Variants in MED25 observed in about 807,000 individuals in gnomAD.
MED25 encodes mediator of RNA polymerase II transcription subunit 25.
MED25 carries 62 observed loss-of-function variants against 89.4 expected under a neutral mutation model. That is an observed-to-expected ratio of 0.69 (90% CI 0.57 to 0.86). MED25 has a LOEUF of 0.86. Among genes scored for constraint, MED25 ranks in the 40% least tolerant of loss-of-function variants. The pLI is 0.00. For missense variants in MED25, 905 were observed against 1,005.2 expected (o/e 0.90, Z 1.35); for synonymous variants, 449 against 427.9 (o/e 1.05, Z -0.61).
Position 49,829,021 on chromosome 19 carries a change from G to A in MED25, c.456G>A (p.Leu152=), listed in dbSNP as rs1457594431. Reference sequence around the variant, plus strand: ...TCATCTGCAACTCACCCCCATACTTGTTGCCTGCTGTTGAGAGCACCACGT... The same window carrying A: ...TCATCTGCAACTCACCCCCATACTTATTGCCTGCTGTTGAGAGCACCACGT... ...CLLICNSPPY[L]LPAVESTTYS... The change falls in exon 5 of 18, where the codon TTG becomes TTA. Residue 152 remains leucine, a synonymous_variant. Transcript: ENST00000312865. The surrounding 1 kb of genome is among the most constrained non-coding windows in gnomAD (Gnocchi z 4.6). 1.2e-6 allele frequency: 2 copies of A among 1,613,988 alleles called. No individual in the cohort carries two copies. Among genetic ancestry groups the A allele is most frequent in the African/African-American group, 1.3e-5 (1 of 74,890 alleles).
In MED25 at chr19:49,830,483, C is replaced by T. The variant is rs960670019; in HGVS notation, c.820-28C>T. On this transcript the variant is annotated intron_variant, in intron 7 of 17. Transcript: ENST00000312865. This position sits in a 1 kb window ranked among gnomAD's most constrained non-coding sequence, Gnocchi z 4.6. The stretch of plus-strand genomic sequence containing the variant: ...CTGGGGGGCCATGGTCCTCACCAGT[C>T]CCTTCCCTTCTTCCCTTCTACCCAC... The T allele has an allele frequency of 4.3e-6, 7 of 1,609,554 alleles. No individual in the cohort carries two copies. Among genetic ancestry groups the T allele is most frequent in the Non-Finnish European group, 6.0e-6 (7 of 1,176,188 alleles).
At chr19:49,837,120 G>A, downstream of MED25, 1 of 665,602 alleles carries the variant, frequency 1.5e-6, no homozygotes, top group Non-Finnish European at 2.7e-6. Flanking sequence ...TGAGTCACAG[G>A]CAGTCTGGTG....
intron 3 of MED25, among the ~76,000 whole-genome samples, chr19:49,827,489 G>T (rs1252337654): frequency 6.6e-6 from 1 of 152,126 alleles, no homozygotes; most frequent in East Asian, 1.9e-4. Context: ...TGCCTGCTGA[G>T]GCTGCATCAC....
rs556560400 is a variant in MED25 at position 49,822,090 on chromosome 19, C to T, written c.305+2794C>T. Among the ~76,000 whole-genome samples the T allele has an allele frequency of 5.3e-5, 8 of 151,352 alleles. No homozygotes were observed. The South Asian group carries it at 6.2e-4, about 12-fold the overall frequency. The stretch of plus-strand genomic sequence containing the variant: ...CATCCTGGCTAACACGGTGAAACCC[C>T]GTCTCTACTAAAAATACAAAAATTT... On this transcript the variant is annotated intron_variant, in intron 3 of 17. Transcript: ENST00000312865.
chr19:49,826,416 G>A (rs1014166215), intron 3 of MED25, among the ~76,000 whole-genome samples: 1 of 152,164 alleles, frequency 6.6e-6, no homozygotes, highest in East Asian at 1.9e-4. Flanking sequence ...GCGCCCGAGT[G>A]CCCTGAGAGC....
chr19:49,836,336 G>T lies in MED25; in HGVS notation c.2076G>T (p.Gly692=), dbSNP rs557383740. Residue 692 remains glycine (G), a synonymous_variant, in exon 17 of 18, where the codon GGG becomes GGT. Coordinates refer to ENST00000312865, the MANE Select transcript of MED25 (RefSeq NM_030973.4). This position sits in a 1 kb window ranked among gnomAD's most constrained non-coding sequence, Gnocchi z 5.1. ...AGGGCCTGGGGCAGCCCCAGTTGGG[G>T]CCCCCACTCCTGCATCCACCACCTG... ...PHQGLGQPQL[G]PPLLHPPPAQ... 1 of 1,609,910 alleles carries T rather than the reference G, an allele frequency of 6.2e-7. No homozygotes were observed. Among genetic ancestry groups the T allele is most frequent in the East Asian group, 2.2e-5 (1 of 44,754 alleles).
chr19:49,828,228 CAA>C (rs35999270), intron 3 of MED25, among the ~76,000 whole-genome samples: 7 of 115,712 alleles, frequency 6.0e-5, no homozygotes, highest in South Asian at 2.7e-4. Context: ...GACTCCATCT[CAA>C]AAAAAAAAAA....
Position 49,818,582 on chromosome 19 carries a change from G to T in MED25, c.146G>T (p.Gly49Val). The T allele has an allele frequency of 6.2e-7, 1 of 1,614,182 alleles. No homozygotes were observed. Among genetic ancestry groups the T allele is most frequent in the Non-Finnish European group, 8.5e-7 (1 of 1,180,036 alleles). Residue 49 changes from glycine to valine, a missense_variant, in exon 2 of 18, where the codon GGT (glycine) becomes GTT (valine). This residue lies in a region of MED25 where 501 missense variants were observed against 526.9 expected (regional missense o/e 0.95). Coordinates refer to ENST00000312865, the MANE Select transcript of MED25 (RefSeq NM_030973.4). Reference protein sequence around the residue: ...YLLPAIEYFNGGPPAETDFGG... With the variant: ...YLLPAIEYFNVGPPAETDFGG... ...TCCTACCCTCACAGGTATTTTAATG[G>T]TGGTCCTCCTGCTGAGACGGACTTC...
chr19:49,819,233 A>G lies in MED25; in HGVS notation c.242A>G (p.Tyr81Cys). 1 of 1,614,216 alleles carries G rather than the reference A, an allele frequency of 6.2e-7. No homozygotes were observed. The highest frequency in any genetic ancestry group is 8.5e-7 in the Non-Finnish European group (1 of 1,180,032). Residue 81 changes from tyrosine to cysteine, a missense_variant, in exon 3 of 18, where the codon TAC becomes TGC. This residue lies in a region of MED25 where 501 missense variants were observed against 526.9 expected (regional missense o/e 0.95). Coordinates refer to ENST00000312865, the MANE Select transcript of MED25 (RefSeq NM_030973.4). ...ACAGTGGACTGCGCTCCCGAGTCCT[A>G]CGTACAATGTCACGCTCCCACCAGC... Reference protein sequence around the residue: ...FNTVDCAPESYVQCHAPTSSA... With the variant: ...FNTVDCAPESCVQCHAPTSSA...
At position 49,834,983 on chromosome 19, in the gene MED25, C is replaced by G; in HGVS notation, c.1483-3C>G. 1 of 1,613,954 alleles carries G rather than the reference C, an allele frequency of 6.2e-7. No homozygotes were observed. The highest frequency in any genetic ancestry group is 1.3e-5 in the African/African-American group (1 of 74,998). On this transcript the variant is annotated splice_region_variant and splice_polypyrimidine_tract_variant and intron_variant, in intron 13 of 17. Transcript: ENST00000312865. The surrounding 1 kb of genome is among the most constrained non-coding windows in gnomAD (Gnocchi z 4.1). ...TGGTTCTGAAGAGCTGTTGTCCACC[C>G]AGGCGGGCTGCGTGCACTTCCCCCA...
intron 3 of MED25, among the ~76,000 whole-genome samples, chr19:49,824,238 C>T (rs773879059): frequency 3.0e-4 from 46 of 152,096 alleles, no homozygotes; most frequent in Non-Finnish European, 5.6e-4. Context: ...GAAACCTTCC[C>T]GATTCTTGCA....
Position 49,836,176 on chromosome 19 carries a change from GT to G in MED25, c.1966-49del. On this transcript the variant is annotated intron_variant, in intron 16 of 17. Coordinates refer to ENST00000312865, the MANE Select transcript of MED25 (RefSeq NM_030973.4). This position sits in a 1 kb window ranked among gnomAD's most constrained non-coding sequence, Gnocchi z 5.1. Reference sequence around the variant, plus strand: ...CTCTGAGCAGTGTCTGTGTTGAGAGGTGGGGAGTCTCTACCAGGAGCCTCTG... The same window carrying G: ...CTCTGAGCAGTGTCTGTGTTGAGAGGGGGGAGTCTCTACCAGGAGCCTCTG... 1.3e-6 allele frequency: 2 copies of G among 1,587,992 alleles called. No homozygotes were observed. The highest frequency in any genetic ancestry group is 1.7e-6 in the Non-Finnish European group (2 of 1,160,452).
At chr19:49,825,819 G>A (rs936973394) in intron 3 of MED25, among the ~76,000 whole-genome samples, 7 of 151,408 alleles carry the variant, frequency 4.6e-5, no homozygotes, top group African/African-American at 1.7e-4. Context: ...CAACAAGAGC[G>A]AAACTCCATC....
In MED25 at chr19:49,835,269, C is replaced by A. The variant is rs2074087280; in HGVS notation, c.1674+92C>A. ...GGGGTCTCCAGGACCAAGATGCCCACCCTTCTCCCAATATGTGGTGCCTCC... is the reference window on the plus strand; with the variant it reads ...GGGGTCTCCAGGACCAAGATGCCCAACCTTCTCCCAATATGTGGTGCCTCC... On this transcript the variant is annotated intron_variant, in intron 14 of 17. Transcript: ENST00000312865. The surrounding 1 kb of genome is among the most constrained non-coding windows in gnomAD (Gnocchi z 6.2). 3.6e-6 allele frequency: 5 copies of A among 1,370,080 alleles called. No individual in the cohort carries two copies. The highest frequency in any genetic ancestry group is 5.2e-6 in the Non-Finnish European group (5 of 959,554). The allele number at this position is 1,370,080 out of a possible 1,614,324, so 84.9% of individuals were successfully genotyped here.
chr19:49,818,878 C>T, intron 2 of MED25: 1 of 570,174 alleles, frequency 1.8e-6, no homozygotes, highest in Non-Finnish European at 3.1e-6. Context: ...GGAGGAAGGG[C>T]TGGGCGTCTG....
At chr19:49,825,649 T>G (rs1011505228) in intron 3 of MED25, among the ~76,000 whole-genome samples, 1 of 150,830 alleles carries the variant, frequency 6.6e-6, no homozygotes, top group Non-Finnish European at 1.5e-5. Context: ...CCGACCAACA[T>G]GGAGAAACCC....
intron 3 of MED25, among the ~76,000 whole-genome samples, chr19:49,827,045 G>T (rs1259858823): frequency 6.6e-6 from 1 of 152,188 alleles, no homozygotes; most frequent in East Asian, 1.9e-4. Flanking sequence ...AAGCCTGGGG[G>T]TAAGAGAGGA....
chr19:49,839,022 G>C (rs145872835), downstream of MED25: 1 of 328,790 alleles, frequency 3.0e-6, no homozygotes, highest in East Asian at 8.0e-5. Context: ...GCGTTGCACA[G>C]TGAGTTGGAG....
In MED25 at chr19:49,818,337, G is replaced by A. The variant is rs1423184002; in HGVS notation, c.-5G>A. The A allele has an allele frequency of 2.5e-6, 4 of 1,578,672 alleles. No homozygotes were observed. The highest frequency in any genetic ancestry group is 1.4e-5 in the African/African-American group (1 of 74,040). ...GCAGTGGTGGTGGCGGGTACCGCAC[G>A]GGGTATGGTCCCCGGGTCCGAGGGC... is the stretch of plus-strand genomic sequence containing the variant. On this transcript the variant is annotated 5_prime_UTR_variant, in exon 1 of 18. Transcript: ENST00000312865.
Sources: allele counts gnomAD v4.1 joint callset (sites outside exome capture counted in the v4.1 genomes callset), GRCh38; gene constraint gnomAD v4.1.1; regional missense constraint gnomAD v4.1.1; non-coding constraint Gnocchi (gnomAD v3.1); transcripts MANE v1.5; gene names NCBI Gene and HGNC (gene_info 2026-07-23, HGNC 2026-07-21).